Variants in RBFOX1 observed in about 807,000 individuals in gnomAD.
The protein encoded by RBFOX1 is RNA binding protein fox-1 homolog 1.
Under a neutral mutation model 57.7 loss-of-function variants are expected in RBFOX1, and 8 were observed. That is an observed-to-expected ratio of 0.14 (90% CI 0.08 to 0.25). RBFOX1 has a LOEUF of 0.25. Ranked by LOEUF, RBFOX1 falls within the 10% of genes least tolerant of loss-of-function variation. RBFOX1 has a pLI of 1.00. For synonymous variants in RBFOX1, 326 were observed against 222.4 expected (o/e 1.47, Z -4.15); for missense variants, 611 against 548.5 (o/e 1.11, Z -1.14).
At chr16:6,613,962 A>G (rs1243946026) in intron 2 of RBFOX1, among the ~76,000 whole-genome samples, 1 of 152,148 alleles carries the variant, frequency 6.6e-6, no homozygotes, top group East Asian at 1.9e-4. Context: ...AAAAAAGAAG[A>G]TAGATTCAGA....
chr16:7,246,102 A>G (rs1254767453), intron 4 of RBFOX1, among the ~76,000 whole-genome samples: 2 of 139,582 alleles, frequency 1.4e-5, no homozygotes, highest in Non-Finnish European at 2.9e-5. Flanking sequence ...AAATATTTTG[A>G]GAGTTTTTTT....
chr16:6,901,499 C>A (rs1044893010), intron 3 of RBFOX1, among the ~76,000 whole-genome samples: 2 of 152,156 alleles, frequency 1.3e-5, no homozygotes, highest in African/African-American at 2.4e-5. Flanking sequence ...GACTCTCGAC[C>A]TGGAATGACA....
intron 2 of RBFOX1, among the ~76,000 whole-genome samples, chr16:5,509,667 T>C (rs1030794236): frequency 6.6e-6 from 1 of 152,142 alleles, no homozygotes; most frequent in East Asian, 1.9e-4. Context: ...AGACAGTGGA[T>C]TGGAGCGGCA....
intron 5 of RBFOX1, among the ~76,000 whole-genome samples, chr16:7,573,734 T>G (rs1602207139): frequency 6.6e-6 from 1 of 150,902 alleles, no homozygotes; most frequent in South Asian, 2.1e-4. Flanking sequence ...ACTCGGGAGG[T>G]TGAGGCAGGA....
chr16:5,310,257 C>T (rs1481813179), intron 1 of RBFOX1, among the ~76,000 whole-genome samples: 1 of 152,130 alleles, frequency 6.6e-6, no homozygotes, highest in Non-Finnish European at 1.5e-5. Context: ...CAAAAATTAG[C>T]TGGGCATAGT....
intron 2 of RBFOX1, among the ~76,000 whole-genome samples, chr16:5,497,915 G>A (rs1056434702): frequency 8.5e-5 from 13 of 152,160 alleles, no homozygotes; most frequent in East Asian, 1.9e-4. Context: ...TGGAGTGGAC[G>A]CATAAAAGAT....
intron 3 of RBFOX1, among the ~76,000 whole-genome samples, chr16:6,788,963 C>G (rs142395110): frequency 3.3e-5 from 5 of 152,236 alleles, no homozygotes; most frequent in African/African-American, 1.2e-4. Flanking sequence ...TTCTTTCCGC[C>G]GCACAATGGG....
At chr16:5,739,479 C>T (rs866100945) in intron 3 of RBFOX1, among the ~76,000 whole-genome samples, 13 of 152,044 alleles carry the variant, frequency 8.6e-5, no homozygotes, top group Non-Finnish European at 1.0e-4. Context: ...TGGTAATGTT[C>T]GGGAGAAAAG....
At chr16:7,392,038 T>G (rs1326431606) in intron 4 of RBFOX1, among the ~76,000 whole-genome samples, 1 of 152,230 alleles carries the variant, frequency 6.6e-6, no homozygotes, top group African/African-American at 2.4e-5. Context: ...ATTTCATGCT[T>G]TGCTCATTTG....
chr16:5,464,642 G>C (rs1385473914), intron 1 of RBFOX1, among the ~76,000 whole-genome samples: 1 of 152,190 alleles, frequency 6.6e-6, no homozygotes, highest in African/African-American at 2.4e-5. Context: ...GGCGCCACGA[G>C]AGGCCTCCTC....
At chr16:6,904,128 C>T (rs180841263) in intron 3 of RBFOX1, among the ~76,000 whole-genome samples, 174 of 152,278 alleles carry the variant, frequency 1.1e-3, no homozygotes, top group African/African-American at 3.9e-3. Flanking sequence ...TAGTGCAGTT[C>T]GTTCTCAGAT....
chr16:6,064,648 C>A (rs1012844349), intron 1 of RBFOX1, among the ~76,000 whole-genome samples: 1 of 152,098 alleles, frequency 6.6e-6, no homozygotes, highest in Non-Finnish European at 1.5e-5. Context: ...TCCAGTGATT[C>A]TCCTGCCTCA....
chr16:7,395,849 C>T (rs561628445), intron 4 of RBFOX1, among the ~76,000 whole-genome samples: 15 of 152,300 alleles, frequency 9.8e-5, no homozygotes, highest in African/African-American at 3.6e-4. Flanking sequence ...CTCTTTGCCA[C>T]ATCCTTCAGA....
intron 2 of RBFOX1, among the ~76,000 whole-genome samples, chr16:6,572,212 A>G (rs2097354431): frequency 6.6e-6 from 1 of 152,152 alleles, no homozygotes; most frequent in South Asian, 2.1e-4. Flanking sequence ...TGTTTTGCCT[A>G]TATTTGATTT....
At chr16:6,027,321 G>T (rs576461029) in intron 1 of RBFOX1, among the ~76,000 whole-genome samples, 1 of 152,138 alleles carries the variant, frequency 6.6e-6, no homozygotes, top group Non-Finnish European at 1.5e-5. Flanking sequence ...CGAGATTGCA[G>T]ACTCAAGCAG....
chr16:6,514,358 C>G (rs893300132), intron 2 of RBFOX1, among the ~76,000 whole-genome samples: 1 of 152,160 alleles, frequency 6.6e-6, no homozygotes, highest in African/African-American at 2.4e-5. Context: ...GCTTCTGTGT[C>G]TTTCAGAGGG....
intron 2 of RBFOX1, among the ~76,000 whole-genome samples, chr16:5,597,330 A>G (rs951258628): frequency 2.8e-5 from 4 of 140,478 alleles, no homozygotes; most frequent in Non-Finnish European, 6.0e-5. Context: ...GTCTTGCTTG[A>G]GACACACACG....
At chr16:5,721,110 T>G (rs976727434) in intron 3 of RBFOX1, among the ~76,000 whole-genome samples, 1 of 152,340 alleles carries the variant, frequency 6.6e-6, no homozygotes, top group South Asian at 2.1e-4. Context: ...TTGATCAATA[T>G]TTAATAGTTT....
At chr16:5,735,097 C>G (rs945547152) in intron 3 of RBFOX1, among the ~76,000 whole-genome samples, 2 of 152,166 alleles carry the variant, frequency 1.3e-5, no homozygotes, top group African/African-American at 4.8e-5. Flanking sequence ...TATGGTTTAT[C>G]CAGCTTTCCT....
Sources: allele counts gnomAD v4.1 joint callset (sites outside exome capture counted in the v4.1 genomes callset), GRCh38; gene constraint gnomAD v4.1.1; transcripts MANE v1.5; gene names NCBI Gene and HGNC (gene_info 2026-07-23, HGNC 2026-07-21).